The following NELL1 variants were observed in gnomAD, a reference collection of about 807,000 sequenced individuals.
The protein encoded by NELL1 is protein kinase C-binding protein NELL1.
In NELL1, 76 loss-of-function variants were observed where a neutral mutation model predicts 107.4. That is an observed-to-expected ratio of 0.71 (90% confidence interval 0.59 to 0.86). NELL1 has a LOEUF of 0.86. NELL1 is among the 40% of genes least tolerant of loss of function. The probability of loss-of-function intolerance (pLI) is 0.00; values close to 1 mark genes in which losing one functional copy is unlikely to be tolerated. For missense variants in NELL1, 1,024 were observed against 1,005.5 expected, an observed-to-expected ratio of 1.02 and a Z score of -0.25; for synonymous variants, 353 against 341.2, an observed-to-expected ratio of 1.03 and a Z score of -0.38.
intron 15 of NELL1, among the ~76,000 whole-genome samples, chr11:21,429,136 C>G (rs1276432704): frequency 2.0e-5 from 3 of 152,126 alleles, no homozygotes; most frequent in African/African-American, 7.2e-5. Context: ...CATTTACATT[C>G]ACAGGAAATG....
intron 2 of NELL1, among the ~76,000 whole-genome samples, chr11:20,699,176 C>T (rs777417317): frequency 2.9e-4 from 44 of 151,294 alleles, no homozygotes; most frequent in Non-Finnish European, 6.5e-4. Context: ...GAGATCGTAC[C>T]ACTGTACTCC....
At chr11:20,702,045 A>G (rs544208424) in intron 2 of NELL1, among the ~76,000 whole-genome samples, 1,575 of 152,312 alleles carry the variant, frequency 0.01, 16 homozygotes, top group Middle Eastern at 0.027. Context: ...AATTCTGTGA[A>G]GAAAGTCATT....
chr11:20,851,034 T>G (rs1425525514), intron 4 of NELL1, among the ~76,000 whole-genome samples: 1 of 152,150 alleles, frequency 6.6e-6, no homozygotes, highest in Non-Finnish European at 1.5e-5. Context: ...CTCCATAGTG[T>G]GCTAATGACA....
chr11:21,382,035 G>A (rs117172933), intron 15 of NELL1, among the ~76,000 whole-genome samples: 1,774 of 149,516 alleles, frequency 0.012, 12 homozygotes, highest in Non-Finnish European at 0.019. Flanking sequence ...CATAGGAAGA[G>A]TTGAGATCTC....
At chr11:21,191,959 T>C (rs981632296) in intron 13 of NELL1, among the ~76,000 whole-genome samples, 2 of 151,938 alleles carry the variant, frequency 1.3e-5, no homozygotes, top group Non-Finnish European at 2.9e-5. Context: ...GTGAAAGATA[T>C]AAAAATTCAA....
rs115989996 is a variant in NELL1 at position 20,801,957 on chromosome 11, C to A, written c.335+18127C>A. The stretch of plus-strand genomic sequence containing the variant: ...ATTGGTCTATGTGTCTGTTTTTATG[C>A]CAGTGCCATGCCATTTGGGTTACTA... On this transcript the variant is annotated intron_variant, in intron 3 of 19. Coordinates refer to ENST00000357134, the MANE Select transcript of NELL1 (RefSeq NM_006157.5). Among the ~76,000 whole-genome samples the A allele has an allele frequency of 5.2e-3, 787 of 152,200 alleles. 5 individuals carry two copies. The highest frequency in any genetic ancestry group is 0.018 in the African/African-American group (749 of 41,506).
At chr11:20,904,564 A>G (rs988695981) in intron 5 of NELL1, among the ~76,000 whole-genome samples, 6 of 152,288 alleles carry the variant, frequency 3.9e-5, no homozygotes, top group African/African-American at 4.8e-5. Context: ...AGAACATTCA[A>G]AATCACCTGT....
chr11:21,162,139 C>A lies in NELL1; in HGVS notation c.1426+48425C>A, dbSNP rs575888552. 2.6e-5 allele frequency among the ~76,000 whole-genome samples: 4 copies of A among 151,998 alleles called. No individual in the cohort carries two copies. In the East Asian group the frequency reaches 7.8e-4, roughly 30 times the overall value. On this transcript the variant is annotated intron_variant, in intron 13 of 19. Coordinates refer to ENST00000357134, the MANE Select transcript of NELL1 (RefSeq NM_006157.5). Reference sequence around the variant, plus strand: ...CTAAGTTTTGTATGTTTAGTAGAGACGGGATTTCACCATGTTGACCAGGAT... The same window carrying A: ...CTAAGTTTTGTATGTTTAGTAGAGAAGGGATTTCACCATGTTGACCAGGAT...
intron 14 of NELL1, among the ~76,000 whole-genome samples, chr11:21,302,007 AG>A (rs765415030): frequency 1.3e-5 from 2 of 152,070 alleles, no homozygotes; most frequent in Non-Finnish European, 2.9e-5. Context: ...GAGGCAGTAT[AG>A]GTTCCATGCT....
intron 15 of NELL1, among the ~76,000 whole-genome samples, chr11:21,425,642 G>T (rs1026272981): frequency 6.6e-6 from 1 of 152,124 alleles, no homozygotes; most frequent in Non-Finnish European, 1.5e-5. Context: ...GTGCTATAGA[G>T]CCCCGAGAAG....
At chr11:20,998,081 A>T (rs1852131087) in intron 12 of NELL1, among the ~76,000 whole-genome samples, 1 of 152,226 alleles carries the variant, frequency 6.6e-6, no homozygotes, top group Admixed American at 6.5e-5. Flanking sequence ...ATTTCTTGTT[A>T]CAATCTTCTT....
chr11:20,690,443 T>A (rs1312921505), intron 2 of NELL1, among the ~76,000 whole-genome samples: 3 of 152,140 alleles, frequency 2.0e-5, no homozygotes, highest in African/African-American at 7.2e-5. Context: ...TTAATCCATC[T>A]TGAATTAATT....
rs1284072980 is a variant in NELL1 at position 21,232,157 on chromosome 11, A to ATATATAT, written c.1549+2703_1549+2704insTATATAT. Among the ~76,000 whole-genome samples, 293 of 50,974 alleles carry ATATATAT rather than the reference A, an allele frequency of 5.7e-3. 2 individuals are homozygous for ATATATAT. The highest frequency in any genetic ancestry group is 0.023 in the African/African-American group (283 of 12,096). 33.4% of individuals were successfully genotyped at this position (50,974 alleles called of 152,430 possible). On this transcript the variant is annotated intron_variant, in intron 14 of 19. Transcript: ENST00000357134. Reference sequence around the variant, plus strand: ...TCTACTAAAAAAAAATAAAAAAAAAAAAATATATATATATATATATAAATT... The same window carrying ATATATAT: ...TCTACTAAAAAAAAATAAAAAAAAAATATATATAAATATATATATATATATATAAATT...
intron 4 of NELL1, among the ~76,000 whole-genome samples, chr11:20,856,586 G>A (rs753228444): frequency 2.0e-5 from 3 of 152,196 alleles, no homozygotes; most frequent in Non-Finnish European, 4.4e-5. Context: ...GCTGTGATTA[G>A]TCCTGGTATA....
chr11:21,095,224 C>A (rs1038206719), intron 12 of NELL1, among the ~76,000 whole-genome samples: 1 of 152,194 alleles, frequency 6.6e-6, no homozygotes, highest in Non-Finnish European at 1.5e-5. Flanking sequence ...CAGTTCCCAA[C>A]AAGTTCCTCA....
intron 14 of NELL1, among the ~76,000 whole-genome samples, chr11:21,306,743 C>A (rs1182863860): frequency 6.6e-6 from 1 of 152,038 alleles, no homozygotes; most frequent in Non-Finnish European, 1.5e-5. Context: ...CGGAAACTAT[C>A]CAAAATTATG....
intron 14 of NELL1, among the ~76,000 whole-genome samples, chr11:21,246,532 A>G (rs1858496144): frequency 6.6e-6 from 1 of 152,220 alleles, no homozygotes; most frequent in African/African-American, 2.4e-5. Context: ...TGTATATAAT[A>G]CAGTGTACTT....
intron 2 of NELL1, among the ~76,000 whole-genome samples, chr11:20,727,966 T>A (rs1389363343): frequency 1.3e-5 from 2 of 152,198 alleles, no homozygotes; most frequent in Non-Finnish European, 1.5e-5. Context: ...AACTAGCATT[T>A]GTTGTTTTTT....
chr11:21,056,285 A>G (rs952061411), intron 12 of NELL1, among the ~76,000 whole-genome samples: 3 of 152,182 alleles, frequency 2.0e-5, no homozygotes, highest in Non-Finnish European at 4.4e-5. Flanking sequence ...CGTATTATCC[A>G]TGGCATTATG....
Sources: allele counts gnomAD v4.1 joint callset (sites outside exome capture counted in the v4.1 genomes callset), GRCh38; gene constraint gnomAD v4.1.1; transcripts MANE v1.5; gene names NCBI Gene and HGNC (gene_info 2026-07-23, HGNC 2026-07-21).